Variants in SOHLH1 observed in about 807,000 individuals in gnomAD.
SOHLH1 encodes spermatogenesis- and oogenesis-specific basic helix-loop-helix-containing protein 1.
A neutral mutation model predicts 36.2 loss-of-function variants in SOHLH1; 23 were observed. The observed-to-expected ratio is 0.64, with a 90% confidence interval of 0.46 to 0.90. SOHLH1 has a LOEUF of 0.90. SOHLH1 is among the 40% of genes least tolerant of loss of function. SOHLH1 has a pLI of 0.00. For missense variants in SOHLH1, 608 were observed against 517.0 expected, an observed-to-expected ratio of 1.18 and a Z score of -1.71; for synonymous variants, 289 against 228.3, an observed-to-expected ratio of 1.27 and a Z score of -2.40.
At chr9:135,695,976 G>A (rs1467207166) in intron 5 of SOHLH1, among the ~76,000 whole-genome samples, 1 of 152,152 alleles carries the variant, frequency 6.6e-6, no homozygotes, top group African/African-American at 2.4e-5. Flanking sequence ...GGGGAAAACA[G>A]ATCTCCGGCC....
At chr9:135,697,363 G>T in intron 4 of SOHLH1, 143 bp downstream of exon 4, 4 of 1,246,206 alleles carry the variant, frequency 3.2e-6, no homozygotes, top group Non-Finnish European at 4.4e-6. Flanking sequence ...CACCTGAGTT[G>T]GCAGGGCCCT....
upstream of SOHLH1, among the ~76,000 whole-genome samples, chr9:135,701,413 TG>T (rs1835030583): frequency 6.6e-6 from 1 of 152,188 alleles, no homozygotes; most frequent in Non-Finnish European, 1.5e-5. Context: ...TGGTCCACCC[TG>T]CAAACCAACA....
At chr9:135,702,054 C>T (rs1309840387), upstream of SOHLH1, 1 of 518,074 alleles carries the variant, frequency 1.9e-6, no homozygotes, top group African/African-American at 2.1e-5. Context: ...CACCCCCGTC[C>T]CAGCCTGGGC....
chr9:135,695,097 A>C lies in SOHLH1; in HGVS notation c.828T>G (p.Pro276=). The C allele has an allele frequency of 1.9e-6, 3 of 1,598,728 alleles. No individual in the cohort carries two copies. The highest frequency in any genetic ancestry group is 2.6e-6 in the Non-Finnish European group (3 of 1,175,004). ...QAGPLAMGAA[P]LGEPAKEDPM... ...GGTCCTCCTTGGCTGGCTCCCCCAG[A>C]GGTGCAGCCCCCATGGCCAGGGGCC... The change falls in exon 6 of 8, where the codon CCT becomes CCG. Residue 276 remains proline (P), a synonymous_variant. Transcript: ENST00000425225.
chr9:135,701,781 G>GGCAGAGCA (rs144934602), upstream of SOHLH1, among the ~76,000 whole-genome samples: 4,675 of 152,188 alleles, frequency 0.031, 311 homozygotes, highest in East Asian at 0.29. Flanking sequence ...TGTTGACCAC[G>GGCAGAGCA]GCAGAGCAGC....
At chr9:135,700,786 G>C (rs948793072), upstream of SOHLH1, among the ~76,000 whole-genome samples, 67 of 152,168 alleles carry the variant, frequency 4.4e-4, 3 homozygotes, top group Non-Finnish European at 4.4e-5. Context: ...CGGGGTTGGA[G>C]AGGAGGGCAA....
rs1404541278 is a variant in SOHLH1, at chr9:135,699,070, G to A, written c.122C>T (p.Pro41Leu). 8.1e-6 allele frequency: 13 copies of A among 1,610,754 alleles called. No individual in the cohort carries two copies. Among genetic ancestry groups the A allele is most frequent in the African/African-American group, 2.7e-5 (2 of 74,870 alleles). ...CCEDSARGSG[P>L]PKAPTVAEGP... ...CTCGGCCACCGTAGGGGCCTTGGGC[G>A]GGCCCGAGCCCCGGGCCGAGTCCTC... The change falls in exon 2 of 8, where the codon CCG (proline) becomes CTG (leucine). Residue 41 changes from proline to leucine, a missense_variant. Coordinates refer to ENST00000425225, the MANE Select transcript of SOHLH1 (RefSeq NM_001101677.2).
At chr9:135,694,235 G>A in intron 7 of SOHLH1, 152 bp downstream of exon 7, 2 of 1,489,868 alleles carry the variant, frequency 1.3e-6, no homozygotes, top group South Asian at 1.3e-5. Context: ...ACCAGACACG[G>A]CCCAACAGCT....
chr9:135,693,886 G>A, intron 7 of SOHLH1, 72 bp from the exon 8 acceptor site: 1 of 1,499,340 alleles, frequency 6.7e-7, no homozygotes, highest in Non-Finnish European at 9.0e-7. Flanking sequence ...GGTGGGGTCG[G>A]AGGAACAGAG....
intron 2 of SOHLH1, 66 bp downstream of exon 2, chr9:135,698,929 C>G (rs1490502708): frequency 6.2e-6 from 10 of 1,608,512 alleles, no homozygotes; most frequent in African/African-American, 1.3e-5. Flanking sequence ...GTGGCAGCCC[C>G]GAACATAATC....
intron 3 of SOHLH1, 79 bp from the exon 4 acceptor site, chr9:135,697,706 C>A (rs1834861474): frequency 2.6e-6 from 4 of 1,535,534 alleles, no homozygotes; most frequent in East Asian, 2.4e-5. Flanking sequence ...AAGACTGCTA[C>A]CCCAGGGCCT....
intron 3 of SOHLH1, among the ~76,000 whole-genome samples, chr9:135,697,871 C>T (rs532588430): frequency 6.6e-6 from 1 of 152,288 alleles, no homozygotes; most frequent in African/African-American, 2.4e-5. Context: ...GACCCCTGAC[C>T]TCACAGATGA....
In SOHLH1 at chr9:135,699,450, G is replaced by C; in HGVS notation, c.18C>G (p.Ser6=). 6.2e-7 allele frequency: 1 copy of C among 1,612,124 alleles called. No individual in the cohort carries two copies. Among genetic ancestry groups the C allele is most frequent in the South Asian group, 1.1e-5 (1 of 90,956 alleles). The change falls in exon 1 of 8, where the codon TCC becomes TCG. Residue 6 remains serine (S), a synonymous_variant. Coordinates refer to ENST00000425225, the MANE Select transcript of SOHLH1 (RefSeq NM_001101677.2). MASRC[S]EPYPEVSRIP... ...TTCTGGAGACCTCCGGGTAGGGCTC[G>C]GAGCACCGGGACGCCATGAACTCGC... is the stretch of plus-strand genomic sequence containing the variant.
chr9:135,699,485 G>GCGACCCCACGCGCA (rs765148850), upstream of SOHLH1: 8 of 1,609,388 alleles, frequency 5.0e-6, no homozygotes, highest in Non-Finnish European at 6.8e-6. Context: ...CAGCTGCGGA[G>GCGACCCCACGCGCA]CGACCCCACG....
At chr9:135,698,180 G>A in intron 3 of SOHLH1, 149 bp downstream of exon 3, 1 of 1,020,170 alleles carries the variant, frequency 9.8e-7, no homozygotes, top group African/African-American at 1.6e-5. Context: ...ATCAGGAAGT[G>A]CCCTGCCGAA....
In SOHLH1 at chr9:135,699,050, C is replaced by A. The variant is rs1214443887; in HGVS notation, c.142G>T (p.Ala48Ser). The change falls in exon 2 of 8, where the codon GCC (alanine) becomes TCC (serine). Residue 48 changes from alanine to serine, a missense_variant. Coordinates refer to ENST00000425225, the MANE Select transcript of SOHLH1 (RefSeq NM_001101677.2). Reference protein sequence around the residue: ...GSGPPKAPTVAEGPSSCLRRN... With the variant: ...GSGPPKAPTVSEGPSSCLRRN... ...CGAAGGCAGGAGCTGGGACCCTCGG[C>A]CACCGTAGGGGCCTTGGGCGGGCCC... The A allele has an allele frequency of 6.2e-7, 1 of 1,611,376 alleles. No individual in the cohort carries two copies. The highest frequency in any genetic ancestry group is 2.2e-5 in the East Asian group (1 of 44,868).
rs541417597 is a variant in SOHLH1, at chr9:135,694,068, G to A, written c.947-254C>T. On this transcript the variant is annotated intron_variant, in intron 7 of 7. Transcript: ENST00000425225. ...GAATGGACACACGCCATGTCACAGG[G>A]CCATACACCTTTGCCGGCCAGCACG... is the stretch of plus-strand genomic sequence containing the variant. 7.7e-6 allele frequency: 11 copies of A among 1,427,582 alleles called. No individual in the cohort carries two copies. The East Asian group carries it at 1.3e-4, about 16-fold the overall frequency. 88.4% of individuals were successfully genotyped at this position (1,427,582 alleles called of 1,614,324 possible).
chr9:135,699,661 C>T, upstream of SOHLH1: 1 of 653,552 alleles, frequency 1.5e-6, no homozygotes, highest in Non-Finnish European at 2.7e-6. Flanking sequence ...GACCCGCGTT[C>T]CTGCAAAGAA....
At chr9:135,694,128 G>A (rs1719645447) in intron 7 of SOHLH1, 4 of 1,432,518 alleles carry the variant, frequency 2.8e-6, no homozygotes, top group Non-Finnish European at 3.6e-6. Flanking sequence ...ACAGGGTCAA[G>A]GGGAAGAATA....
Sources: gnomAD v4.1 joint callset for allele counts (sites outside exome capture counted in the v4.1 genomes callset) on GRCh38, gnomAD v4.1.1 for gene constraint, MANE v1.5 for transcripts, NCBI Gene and HGNC (gene_info 2026-07-23, HGNC 2026-07-21) for gene names.